GRIK4: variants seen among roughly 807,000 people sequenced by gnomAD.
The protein encoded by GRIK4 is glutamate ionotropic receptor kainate type subunit 4.
Under a neutral mutation model 104.9 loss-of-function variants are expected in GRIK4, and 40 were observed. The ratio of observed to expected loss-of-function variants is 0.38; its 90% confidence interval spans 0.30 to 0.50. The LOEUF (loss-of-function observed/expected upper bound fraction) is 0.50, where lower values mean the gene tolerates loss of function less well. Ranked by LOEUF, GRIK4 falls within the 20% of genes least tolerant of loss-of-function variation. The probability of loss-of-function intolerance (pLI) is 0.93; values close to 1 mark genes in which losing one functional copy is unlikely to be tolerated. For synonymous variants in GRIK4, 485 were observed against 524.9 expected, an observed-to-expected ratio of 0.92 and a Z score of 1.04; for missense variants, 1,047 against 1,308.1, an observed-to-expected ratio of 0.80 and a Z score of 3.08.
In GRIK4 at chr11:120,962,624, C is replaced by G; in HGVS notation, c.2209C>G (p.Leu737Val). ...NEYYRQRNCN[L>V]TQIGGLLDTK... is the part of the protein sequence containing the mutation. ...GTACTATCGGCAGCGAAACTGCAAC[C>G]TCACTCAGATTGGGGGCCTGCTGGA... Residue 737 changes from leucine (L) to valine (V), a missense_variant, in exon 18 of 21, where the codon CTC (leucine) becomes GTC (valine). Physicochemically the swap from Leu to Val is conservative, Grantham distance 32 (BLOSUM62 1). This residue lies in a region of GRIK4 where 440 missense variants were observed against 652.3 expected (regional missense o/e 0.67). Coordinates refer to ENST00000527524, the MANE Select transcript of GRIK4 (RefSeq NM_014619.5). 3 of 1,614,112 alleles carry G rather than the reference C, an allele frequency of 1.9e-6. No homozygotes were observed. The highest frequency in any genetic ancestry group is 1.1e-5 in the South Asian group (1 of 91,086).
chr11:120,540,475 A>G (rs1322732304), intron 1 of GRIK4, among the ~76,000 whole-genome samples: 1 of 152,036 alleles, frequency 6.6e-6, no homozygotes, highest in Non-Finnish European at 1.5e-5. Context: ...TTAGCCGGGC[A>G]TGGTGGTGCG....
chr11:120,542,877 G>A (rs1435377756), intron 1 of GRIK4, among the ~76,000 whole-genome samples: 1 of 152,260 alleles, frequency 6.6e-6, no homozygotes, highest in African/African-American at 2.4e-5. Context: ...AGAGGAAACT[G>A]AAGACCTAGG....
chr11:120,622,886 G>GC (rs1384857086), intron 1 of GRIK4, among the ~76,000 whole-genome samples: 1 of 152,102 alleles, frequency 6.6e-6, no homozygotes, highest in Admixed American at 6.5e-5. Context: ...TTTACTTAGG[G>GC]CCCCCCTGAT....
chr11:120,718,519 C>T (rs1565312631), intron 3 of GRIK4, among the ~76,000 whole-genome samples: 2 of 152,230 alleles, frequency 1.3e-5, no homozygotes, highest in Non-Finnish European at 2.9e-5. Context: ...TCCTCTCTAG[C>T]GTTCTAAGCC....
intron 11 of GRIK4, 25 bp from the exon 12 acceptor site, chr11:120,898,507 C>T: frequency 7.4e-7 from 1 of 1,358,762 alleles, no homozygotes; most frequent in Non-Finnish European, 1.1e-6. Context: ...CATTTCTTCC[C>T]AGTCCTCTCC....
intron 1 of GRIK4, among the ~76,000 whole-genome samples, chr11:120,647,482 G>A (rs1363372887): frequency 6.6e-6 from 1 of 152,150 alleles, no homozygotes; most frequent in African/African-American, 2.4e-5. Flanking sequence ...CATGGCATTT[G>A]GGGCCTTCCA....
At chr11:120,586,988 C>T (rs1306761393) in intron 1 of GRIK4, among the ~76,000 whole-genome samples, 2 of 152,200 alleles carry the variant, frequency 1.3e-5, no homozygotes, top group Non-Finnish European at 2.9e-5. Context: ...GCTGTTTCTT[C>T]GCTCTGTCTG....
chr11:120,566,949 C>T (rs1046838371), intron 1 of GRIK4, among the ~76,000 whole-genome samples: 2 of 150,670 alleles, frequency 1.3e-5, no homozygotes, highest in Non-Finnish European at 1.5e-5. Flanking sequence ...CCTCGTGTTC[C>T]GCCCACCTCG....
At position 120,818,233 on chromosome 11, in the gene GRIK4, A is replaced by G. The variant is rs149969831; in HGVS notation, c.346-1522A>G. ...ATGGAATGTGGTAGGCTAGAGGGTT[A>G]CACAGGGACGACCTTGGTCAGAGGT... On this transcript the variant is annotated intron_variant, in intron 5 of 20. Transcript: ENST00000527524. Among the ~76,000 whole-genome samples, 717 of 152,354 alleles carry G rather than the reference A, an allele frequency of 4.7e-3. 3 individuals are homozygous for G. The highest frequency in any genetic ancestry group is 0.014 in the Middle Eastern group (4 of 294).
intron 1 of GRIK4, among the ~76,000 whole-genome samples, chr11:120,521,417 A>G (rs1402858013): frequency 1.3e-5 from 2 of 152,114 alleles, no homozygotes; most frequent in African/African-American, 4.8e-5. Context: ...ACGGCTTATT[A>G]TGTTCTTGGT....
chr11:120,807,247 G>A (rs950706956), intron 4 of GRIK4, among the ~76,000 whole-genome samples: 3 of 152,178 alleles, frequency 2.0e-5, no homozygotes, highest in East Asian at 1.9e-4. Flanking sequence ...ATAGATCAGC[G>A]TTTCTCCTGC....
intron 1 of GRIK4, among the ~76,000 whole-genome samples, chr11:120,600,047 A>G (rs762530163): frequency 5.3e-5 from 8 of 152,210 alleles, no homozygotes; most frequent in Non-Finnish European, 8.8e-5. Flanking sequence ...CGACCTTGCC[A>G]TCCGCCCACT....
At chr11:120,745,736 C>A (rs1951427211) in intron 3 of GRIK4, among the ~76,000 whole-genome samples, 1 of 152,172 alleles carries the variant, frequency 6.6e-6, no homozygotes, top group Non-Finnish European at 1.5e-5. Flanking sequence ...CCTGAAAGAT[C>A]TTTTGGGAAT....
intron 1 of GRIK4, among the ~76,000 whole-genome samples, chr11:120,581,870 G>C (rs1469416303): frequency 6.6e-6 from 1 of 151,384 alleles, no homozygotes; most frequent in African/African-American, 2.4e-5. Flanking sequence ...GCAGTGGCGT[G>C]ATCTCGGCTC....
chr11:120,761,806 A>G (rs1184763607), intron 3 of GRIK4, among the ~76,000 whole-genome samples: 1 of 137,726 alleles, frequency 7.3e-6, no homozygotes, highest in Non-Finnish European at 1.5e-5. Flanking sequence ...CCATTCGTCT[A>G]TATATCTGTT....
At chr11:120,799,916 C>T (rs145857851) in intron 3 of GRIK4, among the ~76,000 whole-genome samples, 9 of 152,036 alleles carry the variant, frequency 5.9e-5, no homozygotes, top group African/African-American at 1.2e-4. Flanking sequence ...GGCATGACCT[C>T]GGCTCACTGC....
intron 3 of GRIK4, among the ~76,000 whole-genome samples, chr11:120,747,860 G>GCA (rs564369378): frequency 1.3e-5 from 2 of 152,102 alleles, no homozygotes; most frequent in East Asian, 1.9e-4. Flanking sequence ...GCAAACCTAT[G>GCA]CACACACACA....
chr11:120,978,896 G>C (rs977461281), intron 19 of GRIK4, among the ~76,000 whole-genome samples: 3 of 152,212 alleles, frequency 2.0e-5, no homozygotes, highest in African/African-American at 7.2e-5. Context: ...ACAGTGTCAA[G>C]TGCTAACAAA....
chr11:120,572,326 A>G (rs1466413335), intron 1 of GRIK4, among the ~76,000 whole-genome samples: 1 of 152,174 alleles, frequency 6.6e-6, no homozygotes, highest in African/African-American at 2.4e-5. Context: ...AGCCCATAAC[A>G]CATCCCCACT....
Sources: allele counts gnomAD v4.1 joint callset (sites outside exome capture counted in the v4.1 genomes callset), GRCh38; gene constraint gnomAD v4.1.1; regional missense constraint gnomAD v4.1.1; transcripts MANE v1.5; gene names NCBI Gene and HGNC (gene_info 2026-07-23, HGNC 2026-07-21).